Variants in ITGA9 observed in about 807,000 individuals in gnomAD.
ITGA9 encodes integrin alpha-9.
ITGA9 carries 56 observed loss-of-function variants against 127.8 expected under a neutral mutation model. That is an observed-to-expected ratio of 0.44 (90% confidence interval 0.35 to 0.55). The LOEUF is 0.55. Ranked by LOEUF, ITGA9 falls within the 20% of genes least tolerant of loss-of-function variation. The pLI, the probability that ITGA9 is intolerant of heterozygous loss-of-function variation, is 0.00. For synonymous variants in ITGA9, 508 were observed against 514.5 expected (o/e 0.99, Z 0.17); for missense variants, 1,196 against 1,347.1 (o/e 0.89, Z 1.76).
At chr3:37,562,021 C>T (rs187837651) in intron 15 of ITGA9, among the ~76,000 whole-genome samples, 141 of 152,300 alleles carry the variant, frequency 9.3e-4, no homozygotes, top group Non-Finnish European at 1.7e-3. Flanking sequence ...GCAACACTGG[C>T]CATCCTTCAG....
At chr3:37,727,030 A>G (rs944802051) in intron 18 of ITGA9, among the ~76,000 whole-genome samples, 17 of 152,210 alleles carry the variant, frequency 1.1e-4, no homozygotes, top group African/African-American at 3.9e-4. Flanking sequence ...CTACTTAAAC[A>G]TGCTTAGAAC....
chr3:37,501,502 G>A (rs1401106284), intron 5 of ITGA9, among the ~76,000 whole-genome samples: 1 of 152,134 alleles, frequency 6.6e-6, no homozygotes, highest in Non-Finnish European at 1.5e-5. Context: ...TGACAAATGT[G>A]TATACCATGT....
At chr3:37,748,920 G>T in intron 22 of ITGA9, 1 of 766,870 alleles carries the variant, frequency 1.3e-6, no homozygotes, top group South Asian at 1.4e-5. Context: ...TCTAAAAAAT[G>T]AAAGACCTCT....
intron 17 of ITGA9, among the ~76,000 whole-genome samples, chr3:37,659,381 T>C (rs1449250160): frequency 6.6e-6 from 1 of 152,052 alleles, no homozygotes; most frequent in Non-Finnish European, 1.5e-5. Context: ...TCATTTCTTT[T>C]CATTCTTTTT....
In ITGA9 at chr3:37,806,884, C is replaced by T. The variant is rs1256886219; in HGVS notation, c.3009+2942C>T. On this transcript the variant is annotated intron_variant, in intron 27 of 27. Transcript: ENST00000264741. This position sits in a 1 kb window ranked among gnomAD's most constrained non-coding sequence, Gnocchi z 4.3. Reference sequence around the variant, plus strand: ...CACATTTCTCGAACGCTTACTTTGCCCCAGTCCTTGCTTTGCCTGGACTAG... The same window carrying T: ...CACATTTCTCGAACGCTTACTTTGCTCCAGTCCTTGCTTTGCCTGGACTAG... 6.6e-6 allele frequency: 1 copy of T among 152,254 alleles called. No individual in the cohort carries two copies. The highest frequency in any genetic ancestry group is 1.5e-5 in the Non-Finnish European group (1 of 68,074). The allele number at this position is 152,254 out of a possible 1,614,324, so 9.4% of individuals were successfully genotyped here.
At chr3:37,518,877 C>T (rs756900430) in intron 10 of ITGA9, among the ~76,000 whole-genome samples, 5 of 142,642 alleles carry the variant, frequency 3.5e-5, no homozygotes, top group Non-Finnish European at 6.0e-5. Flanking sequence ...CTCCGCTTCC[C>T]GGGTTCAAGT....
chr3:37,744,563 C>T (rs1015995703), intron 22 of ITGA9, among the ~76,000 whole-genome samples: 5 of 152,252 alleles, frequency 3.3e-5, no homozygotes, highest in African/African-American at 1.2e-4. Flanking sequence ...TGAGCCATGG[C>T]TGGCTTGCCC....
At chr3:37,539,404 A>T (rs1699244376) in intron 14 of ITGA9, among the ~76,000 whole-genome samples, 1 of 152,182 alleles carries the variant, frequency 6.6e-6, no homozygotes, top group Non-Finnish European at 1.5e-5. Context: ...AGAGAGAAAG[A>T]AATGGATTAG....
intron 15 of ITGA9, among the ~76,000 whole-genome samples, chr3:37,577,654 C>T (rs1268569817): frequency 2.0e-5 from 3 of 152,224 alleles, no homozygotes; most frequent in Non-Finnish European, 4.4e-5. Context: ...TTAGAAACTT[C>T]TGAACTGTTT....
At chr3:37,662,236 T>TA (rs1202781147) in intron 17 of ITGA9, among the ~76,000 whole-genome samples, 2 of 151,874 alleles carry the variant, frequency 1.3e-5, no homozygotes, top group Non-Finnish European at 2.9e-5. Context: ...ACTCCGTCTC[T>TA]AAAAAAACAT....
intron 18 of ITGA9, among the ~76,000 whole-genome samples, chr3:37,703,130 C>G (rs1000056549): frequency 6.6e-6 from 1 of 152,330 alleles, no homozygotes; most frequent in Admixed American, 6.5e-5. Flanking sequence ...CAGGTCCCCC[C>G]CTTTTTTAAT....
intron 15 of ITGA9, among the ~76,000 whole-genome samples, chr3:37,553,031 T>A (rs1307089912): frequency 4.5e-5 from 6 of 132,960 alleles, no homozygotes; most frequent in South Asian, 2.4e-4. Flanking sequence ...AAAAAAAAAA[T>A]CTTTATTTTG....
intron 15 of ITGA9, among the ~76,000 whole-genome samples, chr3:37,624,488 TCCCCAGTCCTGCA>T (rs1003727244): frequency 2.0e-5 from 3 of 152,076 alleles, no homozygotes; most frequent in Non-Finnish European, 2.9e-5. Context: ...AGCCTGTTTC[TCCCCAGTCCTGCA>T]CCCATCAGTC....
At chr3:37,504,751 T>A (rs548476964) in intron 6 of ITGA9, among the ~76,000 whole-genome samples, 1 of 152,274 alleles carries the variant, frequency 6.6e-6, no homozygotes, top group African/African-American at 2.4e-5. Context: ...CAGGCTTTGA[T>A]CTCACTCAGA....
intron 17 of ITGA9, among the ~76,000 whole-genome samples, chr3:37,667,903 T>A (rs528657178): frequency 4.3e-4 from 66 of 152,314 alleles, no homozygotes; most frequent in South Asian, 3.5e-3. Flanking sequence ...CATTGCAGCT[T>A]GGGGAACCTG....
Position 37,743,962 on chromosome 3 carries a change from C to T in ITGA9, c.2361C>T (p.Ser787=), listed in dbSNP as rs543134125. The T allele has an allele frequency of 2.2e-5, 35 of 1,613,988 alleles. No individual in the cohort carries two copies. The East Asian group carries it at 4.5e-4, about 21-fold the overall frequency. ...MSPTSFVYGE[S]VDAANFIQLD... is the part of the protein sequence containing the mutation. ...CAACCTCCTTTGTATATGGCGAGTC[C>T]GTGGACGCAGCCAACTTCATTCAGC... Residue 787 remains serine (S), a synonymous_variant, in exon 22 of 28, where the codon TCC becomes TCT. Transcript: ENST00000264741.
At chr3:37,761,447 G>A (rs1057026005) in intron 23 of ITGA9, among the ~76,000 whole-genome samples, 1 of 152,192 alleles carries the variant, frequency 6.6e-6, no homozygotes, top group Admixed American at 6.5e-5. Flanking sequence ...CTATTTTGGT[G>A]AAGCAGAATA....
chr3:37,584,778 A>T (rs1205571216), intron 15 of ITGA9, among the ~76,000 whole-genome samples: 5 of 152,032 alleles, frequency 3.3e-5, no homozygotes, highest in African/African-American at 1.2e-4. Context: ...ATTATTATTA[A>T]TAATAATACA....
chr3:37,722,039 G>T (rs774725184), intron 18 of ITGA9, among the ~76,000 whole-genome samples: 1 of 152,128 alleles, frequency 6.6e-6, no homozygotes, highest in African/African-American at 2.4e-5. Context: ...GCAGGGCTCC[G>T]CATGGCCTGG....
Sources: allele counts gnomAD v4.1 joint callset (sites outside exome capture counted in the v4.1 genomes callset), GRCh38; gene constraint gnomAD v4.1.1; non-coding constraint Gnocchi (gnomAD v3.1); transcripts MANE v1.5; gene names NCBI Gene and HGNC (gene_info 2026-07-23, HGNC 2026-07-21).